Variants in TBC1D9 observed in about 807,000 individuals in gnomAD.
The protein encoded by TBC1D9 is TBC1 domain family member 9A.
In TBC1D9, 63 loss-of-function variants were observed where a neutral mutation model predicts 132.0. That is an observed-to-expected ratio of 0.48 (90% CI 0.39 to 0.59). The LOEUF (loss-of-function observed/expected upper bound fraction) is 0.59. Among genes scored for constraint, TBC1D9 ranks in the 20% least tolerant of loss-of-function variants. TBC1D9 has a pLI of 0.00. For missense variants in TBC1D9, 1,261 were observed against 1,592.7 expected, an observed-to-expected ratio of 0.79 and a Z score of 3.54; for synonymous variants, 610 against 609.9, an observed-to-expected ratio of 1.00 and a Z score of 0.00.
Position 140,706,822 on chromosome 4 carries a change from C to G in TBC1D9, c.131-5208G>C, listed in dbSNP as rs1444170472. 6.6e-6 allele frequency among the ~76,000 whole-genome samples: 1 copy of G among 152,050 alleles called. No individual in the cohort carries two copies. Among genetic ancestry groups the G allele is most frequent in the Admixed American group, 6.5e-5 (1 of 15,276 alleles). On this transcript the variant is annotated intron_variant, in intron 1 of 20. Coordinates refer to ENST00000442267, the MANE Select transcript of TBC1D9 (RefSeq NM_015130.3). This position sits in a 1 kb window ranked among gnomAD's most constrained non-coding sequence, Gnocchi z 4.0. Reference sequence around the variant, plus strand: ...ATTTATCCAGAATATACTTGTAAATCTGATTCATTCATTTTAAAATATTGT... The same window carrying G: ...ATTTATCCAGAATATACTTGTAAATGTGATTCATTCATTTTAAAATATTGT...
intron 16 of TBC1D9, among the ~76,000 whole-genome samples, 152 bp from the exon 17 acceptor site, chr4:140,628,517 C>T (rs1403982754): frequency 6.6e-6 from 1 of 152,206 alleles, no homozygotes; most frequent in African/African-American, 2.4e-5. Context: ...GTTAACAGCT[C>T]AGGAACCAGG....
intron 16 of TBC1D9, among the ~76,000 whole-genome samples, chr4:140,631,895 C>A (rs1256904473): frequency 6.6e-6 from 1 of 152,180 alleles, no homozygotes; most frequent in African/African-American, 2.4e-5. Context: ...CGGGGCCTGG[C>A]CCATTCTTTA....
chr4:140,676,795 G>A, intron 6 of TBC1D9, 99 bp downstream of exon 6: 2 of 1,472,422 alleles, frequency 1.4e-6, no homozygotes, highest in Middle Eastern at 2.3e-4. Context: ...ACATTCACCT[G>A]TGTTCAAAAG....
intron 6 of TBC1D9, 109 bp downstream of exon 6, chr4:140,676,785 A>ACATT: frequency 7.0e-7 from 1 of 1,430,904 alleles, no homozygotes; most frequent in Non-Finnish European, 9.3e-7. Flanking sequence ...AGACGCATGA[A>ACATT]CATTCACCTG....
At chr4:140,671,800 A>C (rs1737541780) in intron 6 of TBC1D9, among the ~76,000 whole-genome samples, 1 of 151,998 alleles carries the variant, frequency 6.6e-6, no homozygotes, top group African/African-American at 2.4e-5. Context: ...ATCAACTAGA[A>C]ACTAGGATAA....
chr4:140,643,582 C>T, intron 13 of TBC1D9: 1 of 885,614 alleles, frequency 1.1e-6, no homozygotes, highest in Non-Finnish European at 1.7e-6. Flanking sequence ...TCGCTCAGGG[C>T]CGCCTGGGCC....
At chr4:140,692,367 T>C (rs1737890025) in intron 2 of TBC1D9, among the ~76,000 whole-genome samples, 1 of 152,200 alleles carries the variant, frequency 6.6e-6, no homozygotes, top group African/African-American at 2.4e-5. Flanking sequence ...ATCTGTATTA[T>C]GGCCTTATCC....
chr4:140,755,045 T>G (rs906652642), intron 1 of TBC1D9, among the ~76,000 whole-genome samples: 7 of 152,248 alleles, frequency 4.6e-5, no homozygotes, highest in Admixed American at 3.3e-4. Flanking sequence ...GCAGTCTCCT[T>G]TCTAGTGAAA....
intron 2 of TBC1D9, among the ~76,000 whole-genome samples, chr4:140,700,575 T>G (rs916696623): frequency 6.6e-6 from 1 of 151,834 alleles, no homozygotes; most frequent in African/African-American, 2.4e-5. Flanking sequence ...ATCCTAGCAC[T>G]TTGGGAGGCT....
At chr4:140,717,029 G>A (rs1046938796) in intron 1 of TBC1D9, among the ~76,000 whole-genome samples, 4 of 151,918 alleles carry the variant, frequency 2.6e-5, no homozygotes, top group Non-Finnish European at 5.9e-5. Flanking sequence ...AAAGACTTGG[G>A]TTATATCAAA....
chr4:140,743,498 C>T (rs1478703618), intron 1 of TBC1D9, among the ~76,000 whole-genome samples: 1 of 152,190 alleles, frequency 6.6e-6, no homozygotes, highest in Admixed American at 6.5e-5. Context: ...TTGAATCCAG[C>T]TGTCTGCTTA....
At chr4:140,732,357 C>A (rs1385258142) in intron 1 of TBC1D9, among the ~76,000 whole-genome samples, 1 of 152,010 alleles carries the variant, frequency 6.6e-6, no homozygotes, top group East Asian at 1.9e-4. Flanking sequence ...GAAAGAAAAC[C>A]AAACACTAAT....
chr4:140,622,196 C>A lies in TBC1D9; in HGVS notation c.3800G>T (p.Ter1267LeuextTer30). The part of the protein sequence containing the change: ...SDYEISAMSG[*>L] Reference sequence around the variant, plus strand: ...CACTCCCCCGGGAAGGCGCCCGTGTCAGCCGGACATGGCCGAGATTTCATA... The same window carrying A: ...CACTCCCCCGGGAAGGCGCCCGTGTAAGCCGGACATGGCCGAGATTTCATA... Residue 1267 changes from the stop codon to leucine, a stop_lost, in exon 21 of 21, where the codon TGA becomes TTA. Transcript: ENST00000442267. 6.4e-7 allele frequency: 1 copy of A among 1,572,748 alleles called. No homozygotes were observed. Among genetic ancestry groups the A allele is most frequent in the South Asian group, 1.1e-5 (1 of 87,264 alleles).
chr4:140,694,779 G>A, intron 2 of TBC1D9, among the ~76,000 whole-genome samples: 1 of 114,690 alleles, frequency 8.7e-6, no homozygotes, highest in East Asian at 2.3e-4. Context: ...AAAGTATATT[G>A]GAGATTTTTT....
At chr4:140,628,226 G>A (rs562816316) in intron 17 of TBC1D9, 74 bp downstream of exon 17, 3 of 1,320,696 alleles carry the variant, frequency 2.3e-6, no homozygotes, top group Non-Finnish European at 3.3e-6. Flanking sequence ...GGACGATCAG[G>A]TTACACCTAA....
At chr4:140,643,712 G>A in intron 13 of TBC1D9, 1 of 1,207,656 alleles carries the variant, frequency 8.3e-7, no homozygotes, top group Non-Finnish European at 1.1e-6. Flanking sequence ...ATGCGGCCGT[G>A]CAGGGTTCTG....
chr4:140,702,808 T>A (rs1226425828), intron 1 of TBC1D9, among the ~76,000 whole-genome samples: 2 of 152,212 alleles, frequency 1.3e-5, no homozygotes, highest in Admixed American at 6.5e-5. Context: ...AAGATTCCCA[T>A]AATGTAAATG....
chr4:140,642,928 G>C, intron 13 of TBC1D9: 2 of 607,288 alleles, frequency 3.3e-6, no homozygotes, highest in Non-Finnish European at 5.7e-6. Context: ...CGCCGCTGCA[G>C]CTTCACCAGC....
chr4:140,722,975 AC>A (rs1738447179), intron 1 of TBC1D9, among the ~76,000 whole-genome samples: 1 of 151,812 alleles, frequency 6.6e-6, no homozygotes, highest in African/African-American at 2.4e-5. Context: ...ACTTGATTCA[AC>A]CTCTTTGTGA....
Sources: gnomAD v4.1 joint callset for allele counts (sites outside exome capture counted in the v4.1 genomes callset) on GRCh38, gnomAD v4.1.1 for gene constraint, Gnocchi (gnomAD v3.1) non-coding constraint, MANE v1.5 for transcripts, NCBI Gene and HGNC (gene_info 2026-07-23, HGNC 2026-07-21) for gene names.